CCBE1: variants seen among roughly 807,000 people sequenced by gnomAD.
The protein encoded by CCBE1 is collagen and calcium binding EGF domains 1.
CCBE1 carries 37 observed loss-of-function variants against 50.0 expected under a neutral mutation model. That is an observed-to-expected ratio of 0.74 (90% CI 0.57 to 0.97). The LOEUF (loss-of-function observed/expected upper bound fraction) is 0.97. Among genes scored for constraint, CCBE1 ranks in the 50% least tolerant of loss-of-function variants. CCBE1 has a pLI of 0.00. For missense variants in CCBE1, 538 were observed against 523.8 expected, an observed-to-expected ratio of 1.03 and a Z score of -0.26; for synonymous variants, 234 against 203.7, an observed-to-expected ratio of 1.15 and a Z score of -1.27.
chr18:59,599,339 T>C (rs541098063), intron 2 of CCBE1, among the ~76,000 whole-genome samples: 203 of 152,300 alleles, frequency 1.3e-3, no homozygotes, highest in African/African-American at 4.7e-3. Flanking sequence ...AAAGATAATA[T>C]ATATGCAAGC....
At chr18:59,667,300 AG>A (rs2054370640) in intron 2 of CCBE1, among the ~76,000 whole-genome samples, 1 of 152,182 alleles carries the variant, frequency 6.6e-6, no homozygotes, top group Admixed American at 6.5e-5. Context: ...ATAAAGTTAC[AG>A]GGTACATTTT....
Position 59,434,046 on chromosome 18 carries a change from C to A in CCBE1, c.*1862G>T, listed in dbSNP as rs916685456. 6.6e-6 allele frequency: 1 copy of A among 151,710 alleles called. No individual in the cohort carries two copies. Among genetic ancestry groups the A allele is most frequent in the Non-Finnish European group, 1.5e-5 (1 of 68,060 alleles). The allele number at this position is 151,710 out of a possible 1,614,324, so 9.4% of individuals were successfully genotyped here. ...CTGGGATTACAGGTGTGTGCCAACA[C>A]GCCCAGCTAATTTTTGTATTTTTAG... On this transcript the variant is annotated 3_prime_UTR_variant, in exon 11 of 11. Coordinates refer to ENST00000439986, the MANE Select transcript of CCBE1 (RefSeq NM_133459.4).
At chr18:59,561,677 C>T (rs982626679) in intron 2 of CCBE1, among the ~76,000 whole-genome samples, 1 of 152,098 alleles carries the variant, frequency 6.6e-6, no homozygotes, top group Non-Finnish European at 1.5e-5. Flanking sequence ...TGCTAGCGCC[C>T]AGAGTAAGAG....
rs146275451 is a variant in CCBE1, at chr18:59,606,355, C to T, written c.212+90274G>A. Among the ~76,000 whole-genome samples the T allele has an allele frequency of 8.9e-3, 1,353 of 152,254 alleles. 20 individuals carry two copies. The highest frequency in any genetic ancestry group is 0.03 in the African/African-American group (1,261 of 41,544). Reference sequence around the variant, plus strand: ...TGGGACAAAGACAATGTCCACATGGCAAACCGCAAAGCACATGCTTGAAAT... The same window carrying T: ...TGGGACAAAGACAATGTCCACATGGTAAACCGCAAAGCACATGCTTGAAAT... On this transcript the variant is annotated intron_variant, in intron 2 of 10. Transcript: ENST00000439986.
intron 2 of CCBE1, among the ~76,000 whole-genome samples, chr18:59,659,325 T>C (rs983622694): frequency 2.4e-4 from 37 of 152,110 alleles, no homozygotes; most frequent in African/African-American, 8.4e-4. Context: ...CAACCAACTT[T>C]AAATGTTAGG....
chr18:59,621,795 C>A (rs2053713622), intron 2 of CCBE1, among the ~76,000 whole-genome samples: 1 of 152,176 alleles, frequency 6.6e-6, no homozygotes, highest in South Asian at 2.1e-4. Flanking sequence ...TTCTTTCAGT[C>A]TATTTTCTTT....
intron 2 of CCBE1, among the ~76,000 whole-genome samples, chr18:59,517,451 T>C (rs1914420940): frequency 6.6e-6 from 1 of 152,232 alleles, no homozygotes. Context: ...TTTGGCTCTG[T>C]TTCAGATAAA....
chr18:59,524,695 C>T (rs1273304551), intron 2 of CCBE1, among the ~76,000 whole-genome samples: 1 of 152,162 alleles, frequency 6.6e-6, no homozygotes, highest in Admixed American at 6.5e-5. Flanking sequence ...CACCTATTAA[C>T]CCATCACCTA....
intron 2 of CCBE1, among the ~76,000 whole-genome samples, chr18:59,586,762 T>G (rs1359984383): frequency 6.6e-6 from 1 of 152,186 alleles, no homozygotes; most frequent in Non-Finnish European, 1.5e-5. Context: ...AGAGAAACCA[T>G]GAAAACACAT....
chr18:59,627,013 T>C (rs946950178), intron 2 of CCBE1, among the ~76,000 whole-genome samples: 1 of 152,234 alleles, frequency 6.6e-6, no homozygotes, highest in African/African-American at 2.4e-5. Context: ...AACTAGTTCA[T>C]GTTGATTTAG....
intron 2 of CCBE1, among the ~76,000 whole-genome samples, chr18:59,563,357 T>G (rs1209986495): frequency 6.6e-6 from 1 of 152,260 alleles, no homozygotes; most frequent in Non-Finnish European, 1.5e-5. Context: ...TGTGCATTCA[T>G]TTGGCCATCT....
chr18:59,451,024 C>G (rs915282482), intron 6 of CCBE1, among the ~76,000 whole-genome samples: 2 of 152,192 alleles, frequency 1.3e-5, no homozygotes, highest in African/African-American at 4.8e-5. Flanking sequence ...ATTCTCAGGC[C>G]TGACTGTTGG....
intron 2 of CCBE1, among the ~76,000 whole-genome samples, chr18:59,663,924 A>G (rs1278630163): frequency 1.3e-5 from 2 of 152,214 alleles, no homozygotes; most frequent in African/African-American, 4.8e-5. Context: ...AGGAGGAACA[A>G]CAGCAGGAGA....
At chr18:59,439,042 T>C (rs542388654) in intron 9 of CCBE1, among the ~76,000 whole-genome samples, 3 of 151,732 alleles carry the variant, frequency 2.0e-5, no homozygotes, top group African/African-American at 4.8e-5. Flanking sequence ...ATCCCAGCAC[T>C]TGGGGAGGCC....
intron 2 of CCBE1, among the ~76,000 whole-genome samples, chr18:59,676,626 G>A (rs1017580974): frequency 2.6e-5 from 4 of 152,032 alleles, no homozygotes; most frequent in Non-Finnish European, 2.9e-5. Context: ...TACTGGACAC[G>A]GGGCATACAA....
intron 2 of CCBE1, among the ~76,000 whole-genome samples, chr18:59,681,649 C>T (rs538475060): frequency 1.1e-4 from 17 of 152,322 alleles, no homozygotes; most frequent in Non-Finnish European, 2.1e-4. Flanking sequence ...TTGATGGGCT[C>T]CTGCACTTAC....
intron 7 of CCBE1, among the ~76,000 whole-genome samples, chr18:59,443,607 C>A (rs1910541168): frequency 6.7e-6 from 1 of 149,816 alleles, no homozygotes; most frequent in South Asian, 2.1e-4. Context: ...GATGGGATTA[C>A]AGGTGCCCAC....
At chr18:59,443,275 C>A (rs753715927) in intron 7 of CCBE1, among the ~76,000 whole-genome samples, 1 of 152,114 alleles carries the variant, frequency 6.6e-6, no homozygotes, top group Non-Finnish European at 1.5e-5. Context: ...CTGCCCACAC[C>A]GGGGACTCTA....
At chr18:59,523,915 T>C (rs80316870) in intron 2 of CCBE1, among the ~76,000 whole-genome samples, 3,530 of 152,336 alleles carry the variant, frequency 0.023, 114 homozygotes, top group African/African-American at 0.079. Context: ...CTTCTAGATG[T>C]ATTTGATTTA....
Sources: allele counts gnomAD v4.1 joint callset (sites outside exome capture counted in the v4.1 genomes callset), GRCh38; gene constraint gnomAD v4.1.1; transcripts MANE v1.5; gene names NCBI Gene and HGNC (gene_info 2026-07-23, HGNC 2026-07-21).